SLC8A1: variants seen among roughly 807,000 people sequenced by gnomAD.
The protein encoded by SLC8A1 is sodium/calcium exchanger 1.
A neutral mutation model predicts 68.3 loss-of-function variants in SLC8A1; 18 were observed. That is an observed-to-expected ratio of 0.26 (90% CI 0.18 to 0.39). SLC8A1 has a LOEUF of 0.39. Among genes scored for constraint, SLC8A1 ranks in the 10% least tolerant of loss-of-function variants. The pLI, the probability that SLC8A1 is intolerant of heterozygous loss-of-function variation, is 1.00. For missense variants in SLC8A1, 985 were observed against 1,156.7 expected, an observed-to-expected ratio of 0.85 and a Z score of 2.15; for synonymous variants, 475 against 415.5, an observed-to-expected ratio of 1.14 and a Z score of -1.74.
chr2:40,206,003 G>A (rs547102045), intron 2 of SLC8A1, among the ~76,000 whole-genome samples: 57 of 151,836 alleles, frequency 3.8e-4, no homozygotes, highest in Non-Finnish European at 7.2e-4. Flanking sequence ...ATTGGGGCAT[G>A]AAAATAAAAT....
At chr2:40,248,142 A>G (rs1476827037) in intron 2 of SLC8A1, among the ~76,000 whole-genome samples, 2 of 152,194 alleles carry the variant, frequency 1.3e-5, no homozygotes, top group African/African-American at 4.8e-5. Context: ...ACTTTTGATG[A>G]CATTAAGATA....
At chr2:40,157,797 A>G (rs2044849695) in intron 6 of SLC8A1, among the ~76,000 whole-genome samples, 1 of 152,214 alleles carries the variant, frequency 6.6e-6, no homozygotes, top group South Asian at 2.1e-4. Flanking sequence ...TCAACCCAGG[A>G]AGAAACAGAA....
At chr2:40,221,558 A>C (rs1333677332) in intron 2 of SLC8A1, among the ~76,000 whole-genome samples, 1 of 152,202 alleles carries the variant, frequency 6.6e-6, no homozygotes, top group Admixed American at 6.5e-5. Flanking sequence ...AAAGAAATAA[A>C]GGGTATTTGA....
chr2:40,351,173 T>A (rs1363754219), intron 2 of SLC8A1, among the ~76,000 whole-genome samples: 2 of 152,196 alleles, frequency 1.3e-5, no homozygotes, highest in East Asian at 3.8e-4. Flanking sequence ...GTTATTTATA[T>A]TAAGAACCAT....
intron 2 of SLC8A1, among the ~76,000 whole-genome samples, chr2:40,298,272 T>C (rs2070792368): frequency 6.6e-6 from 1 of 152,196 alleles, no homozygotes; most frequent in African/African-American, 2.4e-5. Context: ...CAAACACAAA[T>C]TGGCTACTTT....
intron 2 of SLC8A1, among the ~76,000 whole-genome samples, chr2:40,320,124 A>C (rs1559227231): frequency 6.6e-6 from 1 of 152,108 alleles, no homozygotes; most frequent in East Asian, 1.9e-4. Context: ...CATCATCTTC[A>C]TATTACCTAA....
chr2:40,117,002 T>C (rs577673645), intron 7 of SLC8A1: 3 of 152,364 alleles, frequency 2.0e-5, no homozygotes, highest in Admixed American at 6.5e-5. Context: ...ATCTGTTAAA[T>C]GGGGATGGTA....
At chr2:40,297,583 T>C (rs900521771) in intron 2 of SLC8A1, among the ~76,000 whole-genome samples, 1 of 152,242 alleles carries the variant, frequency 6.6e-6, no homozygotes, top group African/African-American at 2.4e-5. Flanking sequence ...CTACTTTGTG[T>C]AAAGCAAACA....
intron 2 of SLC8A1, among the ~76,000 whole-genome samples, chr2:40,378,159 A>C (rs1419626499): frequency 6.6e-6 from 1 of 152,116 alleles, no homozygotes; most frequent in Non-Finnish European, 1.5e-5. Context: ...AATAAGAAAT[A>C]AGAAAAACCA....
At chr2:40,347,002 C>T (rs1359510269) in intron 2 of SLC8A1, among the ~76,000 whole-genome samples, 4 of 152,134 alleles carry the variant, frequency 2.6e-5, no homozygotes, top group African/African-American at 7.2e-5. Context: ...CCCACATCTC[C>T]TTTTGTACAT....
rs529432068 is a variant in SLC8A1, at chr2:40,336,294, T to C, written c.1808+92179A>G. 2.0e-5 allele frequency among the ~76,000 whole-genome samples: 3 copies of C among 152,312 alleles called. No individual in the cohort carries two copies. The East Asian group carries it at 5.8e-4, about 29-fold the overall frequency. ...ACATATTTATATCACACTGTACCAA[T>C]GTCCAGTATATCTTATACACTCAAA... is the stretch of plus-strand genomic sequence containing the variant. On this transcript the variant is annotated intron_variant, in intron 2 of 7. Transcript: ENST00000406785.
At chr2:40,416,573 A>G (rs1481376833) in intron 2 of SLC8A1, among the ~76,000 whole-genome samples, 1 of 152,148 alleles carries the variant, frequency 6.6e-6, no homozygotes, top group African/African-American at 2.4e-5. Flanking sequence ...TTTGAGATGG[A>G]AGAAAACCCA....
At chr2:40,150,900 C>T (rs2043294154) in intron 6 of SLC8A1, among the ~76,000 whole-genome samples, 1 of 152,170 alleles carries the variant, frequency 6.6e-6, no homozygotes, top group African/African-American at 2.4e-5. Context: ...CCTGCTACTG[C>T]TGCATTTTTA....
intron 2 of SLC8A1, among the ~76,000 whole-genome samples, chr2:40,380,132 T>C (rs1681264855): frequency 6.6e-6 from 1 of 152,152 alleles, no homozygotes; most frequent in African/African-American, 2.4e-5. Context: ...TGTTTGTTGT[T>C]CTATCTCAAT....
At chr2:40,473,253 T>C (rs926254952) in intron 1 of SLC8A1, among the ~76,000 whole-genome samples, 1 of 152,266 alleles carries the variant, frequency 6.6e-6, no homozygotes, top group East Asian at 1.9e-4. Flanking sequence ...TACCTAATTA[T>C]AAATAAATTA....
chr2:40,131,858 A>ATTTTTTTTTTTTTTTT (rs71404277), intron 7 of SLC8A1, among the ~76,000 whole-genome samples: 1 of 95,558 alleles, frequency 1.0e-5, no homozygotes, highest in Non-Finnish European at 2.0e-5. Context: ...TTGGTATTCT[A>ATTTTTTTTTTTTTTTT]TTTTTTTTTT....
intron 4 of SLC8A1, among the ~76,000 whole-genome samples, chr2:40,173,311 C>T (rs550882787): frequency 7.9e-5 from 12 of 152,226 alleles, no homozygotes; most frequent in African/African-American, 2.6e-4. Context: ...GTATAAATTC[C>T]TGCACTTGAT....
chr2:40,262,942 A>C (rs2064896724), intron 2 of SLC8A1, among the ~76,000 whole-genome samples: 1 of 152,256 alleles, frequency 6.6e-6, no homozygotes, highest in Non-Finnish European at 1.5e-5. Context: ...GAATCAGTAC[A>C]GTAACAATGT....
rs964226536 is a variant in SLC8A1 at position 40,388,164 on chromosome 2, C to A, written c.1808+40309G>T. Among the ~76,000 whole-genome samples the A allele has an allele frequency of 3.3e-5, 5 of 151,968 alleles. No individual in the cohort carries two copies. In the South Asian group the frequency reaches 8.3e-4, roughly 25 times the overall value. ...CTGATGAGTAGTGCCCCTTAGAAAT[C>A]ATCAAAACCCGCTTTAGGGATTAGG... On this transcript the variant is annotated intron_variant, in intron 2 of 7. Transcript: ENST00000406785.
Sources: gnomAD v4.1 joint callset for allele counts (sites outside exome capture counted in the v4.1 genomes callset) on GRCh38, gnomAD v4.1.1 for gene constraint, MANE v1.5 for transcripts, NCBI Gene and HGNC (gene_info 2026-07-23, HGNC 2026-07-21) for gene names.